COPG2: variants seen among roughly 807,000 people sequenced by gnomAD.
COPG2 encodes the protein coatomer subunit gamma-2.
A neutral mutation model predicts 46.3 loss-of-function variants in COPG2; 37 were observed. That is an observed-to-expected ratio of 0.80 (90% CI 0.61 to 1.05). The LOEUF (loss-of-function observed/expected upper bound fraction) is 1.05, where lower values mean the gene tolerates loss of function less well. Among genes scored for constraint, COPG2 ranks in the 50% least tolerant of loss-of-function variants. The pLI is 0.00. For synonymous variants in COPG2, 159 were observed against 129.7 expected (o/e 1.23, Z -1.53); for missense variants, 427 against 387.8 (o/e 1.10, Z -0.85).
chr7:130,652,875 G>A lies in COPG2; in HGVS notation c.317C>T (p.Thr106Ile), dbSNP rs781797504. The change falls in exon 5 of 24, where the codon ACA becomes ATA. Residue 106 changes from threonine (T) to isoleucine (I), a missense_variant. Coordinates refer to ENST00000425248, the MANE Select transcript of COPG2 (RefSeq NM_012133.6). Reference protein sequence around the residue: ...ATISEDVIIVTSSLTKDMTGK... With the variant: ...ATISEDVIIVISSLTKDMTGK... ...ATTTTGACCATTTACATACCTGCTT[G>A]TGACAATTATCACATCCTCAGAGAT... 1.9e-6 allele frequency: 3 copies of A among 1,596,362 alleles called. No homozygotes were observed. Among genetic ancestry groups the A allele is most frequent in the Admixed American group, 3.4e-5 (2 of 59,056 alleles).
rs997899848 is a variant in COPG2 at position 130,569,830 on chromosome 7, C to T, written c.738-5437G>A. 1.0e-3 allele frequency among the ~76,000 whole-genome samples: 154 copies of T among 152,298 alleles called. 2 individuals are homozygous for T. Among genetic ancestry groups the T allele is most frequent in the African/African-American group, 3.6e-3 (149 of 41,578 alleles). ...TCAACAAAATATAACTAACCAAATT[C>T]AACAGCATATCAAAAAGATATCCAC... On this transcript the variant is annotated intron_variant, in intron 9 of 23. Coordinates refer to ENST00000425248, the MANE Select transcript of COPG2 (RefSeq NM_012133.6).
At chr7:130,556,924 C>T (rs1198716468) in intron 12 of COPG2, among the ~76,000 whole-genome samples, 1 of 152,022 alleles carries the variant, frequency 6.6e-6, no homozygotes, top group African/African-American at 2.4e-5. Context: ...TAATATGGAA[C>T]CCTGAAAGGC....
At chr7:130,569,599 T>A (rs1793860335) in intron 9 of COPG2, among the ~76,000 whole-genome samples, 3 of 152,012 alleles carry the variant, frequency 2.0e-5, no homozygotes, top group Admixed American at 6.6e-5. Flanking sequence ...CAAGACCAGA[T>A]AAACTCACAG....
chr7:130,617,726 G>A (rs1794973176), intron 5 of COPG2, among the ~76,000 whole-genome samples: 1 of 152,058 alleles, frequency 6.6e-6, no homozygotes, highest in South Asian at 2.1e-4. Flanking sequence ...AATCCAAAAT[G>A]GTCTACAACT....
At chr7:130,583,782 G>A (rs1458482734) in intron 9 of COPG2, among the ~76,000 whole-genome samples, 1 of 124,096 alleles carries the variant, frequency 8.1e-6, no homozygotes. Flanking sequence ...ACTCCAGACT[G>A]GCAACAGAGC....
intron 21 of COPG2, chr7:130,508,335 G>C: frequency 2.4e-6 from 1 of 415,082 alleles, no homozygotes; most frequent in Non-Finnish European, 4.3e-6. Flanking sequence ...AAAAAAAAGG[G>C]TGAGTTTGTT....
At chr7:130,531,072 G>A (rs1799820204) in intron 20 of COPG2, among the ~76,000 whole-genome samples, 1 of 143,312 alleles carries the variant, frequency 7.0e-6, no homozygotes, top group East Asian at 2.1e-4. Context: ...GTGGGGATGG[G>A]GTTCGGGGTG....
rs932469979 is a variant in COPG2, at chr7:130,561,884, A to G, written c.940-663T>C. Among the ~76,000 whole-genome samples, 1,315 of 152,374 alleles carry G rather than the reference A, an allele frequency of 8.6e-3. 7 individuals are homozygous for G. Among genetic ancestry groups the G allele is most frequent in the Non-Finnish European group, 0.013 (855 of 68,038 alleles). On this transcript the variant is annotated intron_variant, in intron 11 of 23. Transcript: ENST00000425248. Reference sequence around the variant, plus strand: ...TTTATACCACTTGACAAGGATAGTCATATGTTTTGTGCAAAAATATTAATG... The same window carrying G: ...TTTATACCACTTGACAAGGATAGTCGTATGTTTTGTGCAAAAATATTAATG...
intron 3 of COPG2, among the ~76,000 whole-genome samples, chr7:130,663,347 G>A (rs943833892): frequency 6.6e-6 from 1 of 152,122 alleles, no homozygotes; most frequent in Non-Finnish European, 1.5e-5. Context: ...TTTACAAGGA[G>A]GGAGAAAATT....
At position 130,566,831 on chromosome 7, in the gene COPG2, C is replaced by T. The variant is rs917146909; in HGVS notation, c.738-2438G>A. 9.2e-5 allele frequency among the ~76,000 whole-genome samples: 14 copies of T among 152,304 alleles called. No homozygotes were observed. The South Asian group carries it at 1.7e-3, about 18-fold the overall frequency. ...AGGCAGTCGGGCAGGATGTTTCTCA[C>T]GGCCCAGTCCCCCAAGGAATGTTTC... On this transcript the variant is annotated intron_variant, in intron 9 of 23. Transcript: ENST00000425248.
At chr7:130,636,309 A>T (rs975633527) in intron 5 of COPG2, among the ~76,000 whole-genome samples, 2 of 152,052 alleles carry the variant, frequency 1.3e-5, no homozygotes, top group African/African-American at 4.8e-5. Flanking sequence ...GGGGTGTTAA[A>T]AGACTCCCAC....
chr7:130,577,767 C>CAAAAA (rs782674348), intron 9 of COPG2, among the ~76,000 whole-genome samples: 9 of 78,148 alleles, frequency 1.2e-4, no homozygotes, highest in African/African-American at 5.5e-4. Flanking sequence ...GACTCCGTCT[C>CAAAAA]AAAAAAAAAA....
chr7:130,583,743 G>A (rs1554447589), intron 9 of COPG2, among the ~76,000 whole-genome samples: 1 of 139,288 alleles, frequency 7.2e-6, no homozygotes, highest in Non-Finnish European at 1.5e-5. Flanking sequence ...GGAGGCGGAG[G>A]TTGCAGTGAG....
intron 9 of COPG2, among the ~76,000 whole-genome samples, chr7:130,567,800 C>T (rs1793828210): frequency 1.3e-5 from 2 of 152,130 alleles, no homozygotes; most frequent in African/African-American, 4.8e-5. Context: ...ACTACAATAA[C>T]TGTAGAAGGA....
intron 9 of COPG2, among the ~76,000 whole-genome samples, chr7:130,599,986 T>A (rs1794604387): frequency 6.6e-6 from 1 of 152,186 alleles, no homozygotes; most frequent in African/African-American, 2.4e-5. Flanking sequence ...ATATTCTCTC[T>A]TAGATGCAGG....
intron 17 of COPG2, 113 bp downstream of exon 17, chr7:130,550,411 C>CAAAA (rs1158918044): frequency 3.5e-4 from 37 of 104,312 alleles, no homozygotes; most frequent in Admixed American, 4.6e-4. Context: ...GACTCTATCT[C>CAAAA]AAAAAAAAAA....
intron 20 of COPG2, among the ~76,000 whole-genome samples, chr7:130,531,680 A>T (rs1799826876): frequency 1.3e-5 from 2 of 152,256 alleles, no homozygotes; most frequent in Admixed American, 6.5e-5. Flanking sequence ...GGCCTATTTG[A>T]GAGGGGCAGA....
chr7:130,575,277 G>A (rs536525456), intron 9 of COPG2, among the ~76,000 whole-genome samples: 37 of 152,188 alleles, frequency 2.4e-4, no homozygotes, highest in East Asian at 1.7e-3. Flanking sequence ...TTAAGACAAA[G>A]GAAAGAATCT....
At chr7:130,638,488 G>A (rs117566059) in intron 5 of COPG2, among the ~76,000 whole-genome samples, 3,659 of 152,204 alleles carry the variant, frequency 0.024, 70 homozygotes, top group Non-Finnish European at 0.04. Flanking sequence ...AGTGGGTTCC[G>A]CCCAGTTCAA....
Sources: allele counts gnomAD v4.1 joint callset (sites outside exome capture counted in the v4.1 genomes callset), GRCh38; gene constraint gnomAD v4.1.1; transcripts MANE v1.5; gene names NCBI Gene and HGNC (gene_info 2026-07-23, HGNC 2026-07-21).